The following ANXA4 variants were observed in gnomAD, a reference collection of about 807,000 sequenced individuals.
ANXA4 encodes 35-beta calcimedin.
In ANXA4, 39 loss-of-function variants were observed where a neutral mutation model predicts 49.8. That is an observed-to-expected ratio of 0.78 (90% CI 0.61 to 1.02). ANXA4 has a LOEUF of 1.02. ANXA4 is among the 50% of genes least tolerant of loss of function. The pLI is 0.00. For missense variants in ANXA4, 360 were observed against 410.1 expected (o/e 0.88, Z 1.05); for synonymous variants, 134 against 152.5 (o/e 0.88, Z 0.89).
At chr2:69,800,122 A>G (rs760428693) in intron 3 of ANXA4, among the ~76,000 whole-genome samples, 6 of 152,326 alleles carry the variant, frequency 3.9e-5, no homozygotes, top group Non-Finnish European at 8.8e-5. Context: ...TCATCTTTGC[A>G]TGATCAGCTG....
Position 69,806,468 on chromosome 2 carries a change from T to C in ANXA4, c.276T>C (p.Tyr92=). 2 of 1,614,146 alleles carry C rather than the reference T, an allele frequency of 1.2e-6. No individual in the cohort carries two copies. Among genetic ancestry groups the C allele is most frequent in the Non-Finnish European group, 1.7e-6 (2 of 1,180,006 alleles). The change falls in exon 5 of 13, where the codon TAT becomes TAC. Residue 92 remains tyrosine, a synonymous_variant. Coordinates refer to ENST00000394295, the MANE Select transcript of ANXA4 (RefSeq NM_001153.5). ...GGATGATGACGCCCACGGTGCTGTA[T>C]GACGTGCAAGAGCTGCGAAGGGCCA... is the stretch of plus-strand genomic sequence containing the variant. The part of the protein sequence containing the change: ...IVGMMTPTVL[Y]DVQELRRAMK...
Position 69,779,907 on chromosome 2 carries a change from G to C in ANXA4, c.-46-1613G>C, listed in dbSNP as rs574896207. Among the ~76,000 whole-genome samples the C allele has an allele frequency of 1.2e-4, 18 of 152,246 alleles. No individual in the cohort carries two copies. In the South Asian group the frequency reaches 2.7e-3, roughly 23 times the overall value. ...CTCAGGGTGTGTCCCAGGACTAGTT[G>C]GTTCTCCCCTTAGTTGAACCCCCAG... On this transcript the variant is annotated intron_variant, in intron 1 of 12. Transcript: ENST00000394295.
chr2:69,710,341 T>G (rs1321572747), intron 2 of ANXA4, among the ~76,000 whole-genome samples: 1 of 152,198 alleles, frequency 6.6e-6, no homozygotes, highest in Non-Finnish European at 1.5e-5. Flanking sequence ...ACTTTCTGCT[T>G]AAAATTATAT....
At chr2:69,721,312 T>G (rs914529896) in intron 3 of ANXA4, among the ~76,000 whole-genome samples, 2 of 152,200 alleles carry the variant, frequency 1.3e-5, no homozygotes, top group Non-Finnish European at 2.9e-5. Flanking sequence ...CTCTACAGGG[T>G]GGGTAGGCCT....
intron 2 of ANXA4, among the ~76,000 whole-genome samples, chr2:69,785,099 T>C (rs1672360017): frequency 6.6e-6 from 1 of 152,198 alleles, no homozygotes; most frequent in Non-Finnish European, 1.5e-5. Flanking sequence ...GTCATACATG[T>C]CTACCTTCCT....
At chr2:69,701,830 T>C (rs1322323831) in intron 2 of ANXA4, among the ~76,000 whole-genome samples, 2 of 152,188 alleles carry the variant, frequency 1.3e-5, no homozygotes, top group African/African-American at 4.8e-5. Flanking sequence ...TTTTTTATTG[T>C]TGCATCTGTT....
At chr2:69,691,021 T>C (rs1677946327) in intron 2 of ANXA4, among the ~76,000 whole-genome samples, 1 of 152,228 alleles carries the variant, frequency 6.6e-6, no homozygotes. Context: ...ACAGTCTTTC[T>C]TTCCTTTTAA....
chr2:69,793,523 A>G (rs1188537792), intron 3 of ANXA4, among the ~76,000 whole-genome samples: 5 of 152,202 alleles, frequency 3.3e-5, no homozygotes, highest in Non-Finnish European at 7.3e-5. Context: ...TAACACATAT[A>G]TAACCACACA....
chr2:69,804,900 T>A (rs968642897), intron 4 of ANXA4, among the ~76,000 whole-genome samples: 54 of 151,746 alleles, frequency 3.6e-4, no homozygotes, highest in African/African-American at 1.3e-3. Flanking sequence ...ATACAAAAAT[T>A]AGCCGGGCAT....
intron 6 of ANXA4, 160 bp downstream of exon 6, chr2:69,808,156 A>T: frequency 1.5e-6 from 1 of 654,946 alleles, no homozygotes; most frequent in Non-Finnish European, 2.6e-6. Flanking sequence ...TGTTTAGCCA[A>T]ATGGCGGTCT....
intron 8 of ANXA4, among the ~76,000 whole-genome samples, chr2:69,814,563 G>C (rs1673874261): frequency 6.6e-6 from 1 of 151,590 alleles, no homozygotes; most frequent in African/African-American, 2.4e-5. Flanking sequence ...TGCCCAGGCT[G>C]GTCTCAAACT....
chr2:69,790,898 CTT>C (rs1295497921), intron 3 of ANXA4, among the ~76,000 whole-genome samples: 1 of 152,178 alleles, frequency 6.6e-6, no homozygotes, highest in Non-Finnish European at 1.5e-5. Flanking sequence ...CATAATTTCT[CTT>C]TCTCTAGTCC....
rs549401124 is a variant in ANXA4, at chr2:69,788,899, G to A, written c.97+758G>A. Among the ~76,000 whole-genome samples, 4 of 150,802 alleles carry A rather than the reference G, an allele frequency of 2.7e-5. No homozygotes were observed. In the South Asian group the frequency reaches 6.3e-4, roughly 24 times the overall value. On this transcript the variant is annotated intron_variant, in intron 3 of 12. Coordinates refer to ENST00000394295, the MANE Select transcript of ANXA4 (RefSeq NM_001153.5). ...AGAAGGAAGGAAAGAAGGAGGAGAG[G>A]GAGGGAGGGAGGGAAAGAAAACACA... is the stretch of plus-strand genomic sequence containing the variant.
chr2:69,752,910 A>G (rs1446182240), intron 1 of ANXA4, among the ~76,000 whole-genome samples: 2 of 152,172 alleles, frequency 1.3e-5, no homozygotes. Flanking sequence ...TTTTCCAAAT[A>G]AGTCTTAACG....
At chr2:69,666,130 G>A (rs890308388) in intron 2 of ANXA4, among the ~76,000 whole-genome samples, 38 of 152,182 alleles carry the variant, frequency 2.5e-4, no homozygotes, top group African/African-American at 7.7e-4. Context: ...CTTGAACCTG[G>A]GAGGCAGAGG....
chr2:69,753,564 C>G (rs1387121455), intron 1 of ANXA4, among the ~76,000 whole-genome samples: 2 of 152,218 alleles, frequency 1.3e-5, no homozygotes, highest in East Asian at 3.8e-4. Flanking sequence ...GTCCTGACAA[C>G]ATCCAGGGCC....
intron 3 of ANXA4, among the ~76,000 whole-genome samples, chr2:69,734,699 T>C (rs1244921017): frequency 2.0e-5 from 3 of 152,128 alleles, no homozygotes; most frequent in Non-Finnish European, 4.4e-5. Context: ...AGGCCACCAT[T>C]TTCTCAGTTT....
intron 2 of ANXA4, among the ~76,000 whole-genome samples, chr2:69,669,401 G>C (rs1677073836): frequency 6.6e-6 from 1 of 151,390 alleles, no homozygotes; most frequent in African/African-American, 2.4e-5. Flanking sequence ...CTGGAGGTCA[G>C]GAGTTTGAGA....
intron 6 of ANXA4, 105 bp downstream of exon 6, chr2:69,808,101 G>A: frequency 9.4e-7 from 1 of 1,060,994 alleles, no homozygotes; most frequent in Non-Finnish European, 1.4e-6. Context: ...AGAACGCTGA[G>A]CATGAGGGAT....
Sources: allele counts gnomAD v4.1 joint callset (sites outside exome capture counted in the v4.1 genomes callset), GRCh38; gene constraint gnomAD v4.1.1; transcripts MANE v1.5; gene names NCBI Gene and HGNC (gene_info 2026-07-23, HGNC 2026-07-21).